The following NDUFS6 variants were observed in gnomAD, a reference collection of about 807,000 sequenced individuals.
NDUFS6 encodes the protein NADH:ubiquinone oxidoreductase subunit S6.
In NDUFS6, 14 loss-of-function variants were observed where a neutral mutation model predicts 13.2. The ratio of observed to expected loss-of-function variants is 1.06; its 90% confidence interval spans 0.70 to 1.66. The LOEUF (loss-of-function observed/expected upper bound fraction) is 1.66. NDUFS6 is among the 40% of genes most tolerant of loss of function. The pLI is 0.00. For synonymous variants in NDUFS6, 95 were observed against 72.3 expected (o/e 1.31, Z -1.60); for missense variants, 206 against 170.8 (o/e 1.21, Z -1.15).
chr5:1,813,886 C>G (rs1734260688), intron 2 of NDUFS6, among the ~76,000 whole-genome samples: 1 of 152,236 alleles, frequency 6.6e-6, no homozygotes, highest in South Asian at 2.1e-4. Flanking sequence ...TTAGATAAAT[C>G]TATTCCATCG....
At chr5:1,802,424 GT>G (rs1561102653) in intron 2 of NDUFS6, 50 bp downstream of exon 2, 1 of 1,451,284 alleles carries the variant, frequency 6.9e-7, no homozygotes, top group Non-Finnish European at 9.6e-7. Flanking sequence ...AAACTTTTAT[GT>G]AACCAACAAG....
chr5:1,805,069 G>C (rs1734102933), intron 2 of NDUFS6, among the ~76,000 whole-genome samples: 1 of 152,202 alleles, frequency 6.6e-6, no homozygotes, highest in South Asian at 2.1e-4. Context: ...GTAGGCTTAT[G>C]CCTGTCATCC....
intron 2 of NDUFS6, among the ~76,000 whole-genome samples, chr5:1,813,970 G>T (rs546928370): frequency 1.5e-4 from 23 of 152,248 alleles, no homozygotes; most frequent in Admixed American, 4.6e-4. Flanking sequence ...GCACATGGGA[G>T]CCTGTGACAG....
At position 1,802,311 on chromosome 5, in the gene NDUFS6, T is replaced by A. The variant is rs746518643; in HGVS notation, c.133-10T>A. 18 of 1,613,614 alleles carry A rather than the reference T, an allele frequency of 1.1e-5. No homozygotes were observed. The South Asian group carries it at 1.8e-4, about 16-fold the overall frequency. On this transcript the variant is annotated splice_polypyrimidine_tract_variant and intron_variant, in intron 1 of 3. Transcript: ENST00000274137. ...TAAAAGTCACACATGGTCTTTTTGT[T>A]TTTTTCCAGGTTTATGATGATAAAG... is the stretch of plus-strand genomic sequence containing the variant.
intron 2 of NDUFS6, among the ~76,000 whole-genome samples, chr5:1,812,507 G>T: frequency 1.4e-5 from 2 of 146,128 alleles, no homozygotes; most frequent in Non-Finnish European, 1.5e-5. Context: ...ATTATCCCAT[G>T]TGGCAAATTT....
rs1734265317 is a variant in NDUFS6 at position 1,814,171 on chromosome 5, A to ATG, written c.187-160_187-159dup. 6.6e-6 allele frequency among the ~76,000 whole-genome samples: 1 copy of ATG among 151,614 alleles called. No individual in the cohort carries two copies. Among genetic ancestry groups the ATG allele is most frequent in the Non-Finnish European group, 1.5e-5 (1 of 67,654 alleles). On this transcript the variant is annotated intron_variant, in intron 2 of 3. Coordinates refer to ENST00000274137, the MANE Select transcript of NDUFS6 (RefSeq NM_004553.6). The surrounding 1 kb of genome is among the most constrained non-coding windows in gnomAD (Gnocchi z 4.9). The stretch of plus-strand genomic sequence containing the variant: ...GGAACTTTATTCCAGTGAAAAGTAG[A>ATG]TGTGTGTGTAGGCCCTGAATTTAAT...
At chr5:1,810,821 A>G (rs1236860530) in intron 2 of NDUFS6, among the ~76,000 whole-genome samples, 1 of 151,532 alleles carries the variant, frequency 6.6e-6, no homozygotes, top group Non-Finnish European at 1.5e-5. Context: ...CCGGCCCCCC[A>G]GCCCCTGGTA....
chr5:1,814,241 T>A lies in NDUFS6; in HGVS notation c.187-98T>A. 1 of 1,514,068 alleles carries A rather than the reference T, an allele frequency of 6.6e-7. No homozygotes were observed. The highest frequency in any genetic ancestry group is 9.2e-7 in the Non-Finnish European group (1 of 1,091,718). The allele number at this position is 1,514,068 out of a possible 1,614,324, so 93.8% of individuals were successfully genotyped here. On this transcript the variant is annotated intron_variant, in intron 2 of 3. Coordinates refer to ENST00000274137, the MANE Select transcript of NDUFS6 (RefSeq NM_004553.6). The surrounding 1 kb of genome is among the most constrained non-coding windows in gnomAD (Gnocchi z 4.9). The stretch of plus-strand genomic sequence containing the variant: ...GTTAAATGAAGCATGCACCATAGAT[T>A]CGTGCTGATGGTACATGAATTTGTG...
At chr5:1,806,751 G>A (rs533144337) in intron 2 of NDUFS6, among the ~76,000 whole-genome samples, 57 of 152,306 alleles carry the variant, frequency 3.7e-4, no homozygotes, top group Non-Finnish European at 7.5e-4. Flanking sequence ...CAGCGTGTGG[G>A]TTCCTCAAAA....
At chr5:1,812,620 T>C (rs2111359467) in intron 2 of NDUFS6, among the ~76,000 whole-genome samples, 1 of 150,256 alleles carries the variant, frequency 6.7e-6, no homozygotes, top group African/African-American at 2.4e-5. Context: ...ACATTTCCTG[T>C]CCTGGACCCA....
At chr5:1,804,965 A>G (rs888877648) in intron 2 of NDUFS6, among the ~76,000 whole-genome samples, 13 of 152,194 alleles carry the variant, frequency 8.5e-5, no homozygotes, top group Non-Finnish European at 1.6e-4. Context: ...CTGCCTGTTC[A>G]TCCCTCCCTC....
chr5:1,811,738 T>G (rs1359289488), intron 2 of NDUFS6, among the ~76,000 whole-genome samples: 1 of 152,228 alleles, frequency 6.6e-6, no homozygotes, highest in Non-Finnish European at 1.5e-5. Context: ...ATCTCAAGAC[T>G]TGATCAGATT....
intron 2 of NDUFS6, among the ~76,000 whole-genome samples, chr5:1,805,787 A>G (rs2111350810): frequency 6.6e-6 from 1 of 152,372 alleles, no homozygotes; most frequent in African/African-American, 2.4e-5. Context: ...TGTGGTAATA[A>G]TAACAGCAAT....
At chr5:1,804,881 G>T (rs1314560249) in intron 2 of NDUFS6, among the ~76,000 whole-genome samples, 1 of 152,174 alleles carries the variant, frequency 6.6e-6, no homozygotes, top group Non-Finnish European at 1.5e-5. Flanking sequence ...CTAGGGTTTG[G>T]ATAGATGTGT....
rs773943416 is a variant in NDUFS6 at position 1,801,428 on chromosome 5, C to T, written c.11C>T (p.Ala4Val). 6.2e-7 allele frequency: 1 copy of T among 1,605,048 alleles called. No homozygotes were observed. Among genetic ancestry groups the T allele is most frequent in the Non-Finnish European group, 8.5e-7 (1 of 1,178,334 alleles). The change falls in exon 1 of 4, where the codon GCG becomes GTG. Residue 4 changes from alanine to valine, a missense_variant. By Grantham distance (64) the Ala-to-Val change is moderately conservative. Coordinates refer to ENST00000274137, the MANE Select transcript of NDUFS6 (RefSeq NM_004553.6). The stretch of plus-strand genomic sequence containing the variant: ...GGCCAGCGGCGCAAAATGGCGGCGG[C>T]GATGACCTTCTGCCGGCTGCTGAAC... MAA[A>V]MTFCRLLNRC... is the part of the protein sequence containing the mutation.
intron 2 of NDUFS6, among the ~76,000 whole-genome samples, chr5:1,813,137 ACTT>A (rs758037870): frequency 2.6e-5 from 4 of 152,146 alleles, no homozygotes; most frequent in African/African-American, 7.2e-5. Context: ...GGGTTACAAG[ACTT>A]CTGCTGAACC....
chr5:1,811,378 A>G (rs1292288798), intron 2 of NDUFS6, among the ~76,000 whole-genome samples: 1 of 152,226 alleles, frequency 6.6e-6, no homozygotes, highest in Admixed American at 6.5e-5. Context: ...AAATAACAAA[A>G]TATATTAACA....
At chr5:1,811,014 A>G (rs1232658591) in intron 2 of NDUFS6, among the ~76,000 whole-genome samples, 1 of 152,194 alleles carries the variant, frequency 6.6e-6, no homozygotes, top group Non-Finnish European at 1.5e-5. Context: ...CTACGTGAAG[A>G]TGATGAGGAT....
chr5:1,813,517 A>C (rs1304751829), intron 2 of NDUFS6, among the ~76,000 whole-genome samples: 1 of 152,182 alleles, frequency 6.6e-6, no homozygotes, highest in Non-Finnish European at 1.5e-5. Flanking sequence ...CACATGGATG[A>C]GTGGAAGCTT....
Sources: gnomAD v4.1 joint callset for allele counts (sites outside exome capture counted in the v4.1 genomes callset) on GRCh38, gnomAD v4.1.1 for gene constraint, Gnocchi (gnomAD v3.1) non-coding constraint, MANE v1.5 for transcripts, NCBI Gene and HGNC (gene_info 2026-07-23, HGNC 2026-07-21) for gene names.